The following RAD51B variants were observed in gnomAD, a reference collection of about 807,000 sequenced individuals.
RAD51B encodes the protein DNA repair protein RAD51 homolog 2.
A neutral mutation model predicts 42.2 loss-of-function variants in RAD51B; 38 were observed. The observed-to-expected ratio is 0.90, with a 90% CI of 0.70 to 1.18. RAD51B has a LOEUF of 1.18. Ranked by LOEUF, RAD51B falls within the 50% of genes most tolerant of loss-of-function variation. The pLI, the probability that RAD51B is intolerant of heterozygous loss-of-function variation, is 0.00. For missense variants in RAD51B, 373 were observed against 400.7 expected, an observed-to-expected ratio of 0.93 and a Z score of 0.59; for synonymous variants, 154 against 145.2, an observed-to-expected ratio of 1.06 and a Z score of -0.43.
chr14:68,457,990 G>T (rs1367301514), intron 9 of RAD51B, among the ~76,000 whole-genome samples: 3 of 148,186 alleles, frequency 2.0e-5, no homozygotes, highest in Non-Finnish European at 4.5e-5. Flanking sequence ...TTTTTAAATT[G>T]TGTTAATAAA....
Position 67,983,770 on chromosome 14 carries a change from C to G in RAD51B, c.756+96566C>G, listed in dbSNP as rs569794951. ...TTATATTTTGGGAGAAAGTTGTGAC[C>G]ATGTGGCAGTTTGGATTTGAAATAA... On this transcript the variant is annotated intron_variant, in intron 7 of 10. Coordinates refer to ENST00000471583, the MANE Select transcript of RAD51B (RefSeq NM_133510.4). 2.6e-5 allele frequency among the ~76,000 whole-genome samples: 4 copies of G among 151,816 alleles called. No individual in the cohort carries two copies. The East Asian group carries it at 7.7e-4, about 29-fold the overall frequency.
chr14:68,099,881 C>T (rs1038654276), intron 7 of RAD51B, among the ~76,000 whole-genome samples: 7 of 152,118 alleles, frequency 4.6e-5, no homozygotes, highest in Admixed American at 3.3e-4. Flanking sequence ...TTAGAACTGC[C>T]GAACAACTGA....
intron 7 of RAD51B, among the ~76,000 whole-genome samples, chr14:68,020,984 T>C (rs1328557806): frequency 6.6e-6 from 1 of 152,168 alleles, no homozygotes; most frequent in African/African-American, 2.4e-5. Context: ...GTTAGTTCTT[T>C]CCTTGTTAAG....
chr14:67,904,700 TTG>T (rs2043725601), intron 7 of RAD51B, among the ~76,000 whole-genome samples: 1 of 151,774 alleles, frequency 6.6e-6, no homozygotes, highest in African/African-American at 2.4e-5. Flanking sequence ...TGCCTTTTGA[TTG>T]TGTGTTTGTC....
chr14:68,392,926 CAT>C (rs1343770750), intron 8 of RAD51B, among the ~76,000 whole-genome samples: 2 of 152,142 alleles, frequency 1.3e-5, no homozygotes, highest in East Asian at 1.9e-4. Flanking sequence ...TGACATAGGA[CAT>C]GTGTGTGTTT....
chr14:68,008,089 T>C (rs1418152713), intron 7 of RAD51B, among the ~76,000 whole-genome samples: 1 of 151,962 alleles, frequency 6.6e-6, no homozygotes, highest in East Asian at 1.9e-4. Flanking sequence ...TATAAAATTA[T>C]ATAGAATATG....
chr14:68,478,751 C>G (rs577584638), downstream of RAD51B, among the ~76,000 whole-genome samples: 15 of 152,342 alleles, frequency 9.8e-5, no homozygotes, highest in African/African-American at 3.6e-4. Flanking sequence ...CATCCTATTT[C>G]ATGTCTCCTA....
intron 8 of RAD51B, among the ~76,000 whole-genome samples, chr14:68,398,000 C>G (rs1045709907): frequency 1.3e-5 from 2 of 152,214 alleles, no homozygotes; most frequent in East Asian, 1.9e-4. Context: ...TATCAGGATC[C>G]TCTGCTTCCC....
At chr14:68,600,465 T>C (rs756389708), downstream of RAD51B, among the ~76,000 whole-genome samples, 2 of 152,156 alleles carry the variant, frequency 1.3e-5, no homozygotes, top group African/African-American at 2.4e-5. Flanking sequence ...CCAGCCCTCA[T>C]TATCCAACAG....
chr14:68,462,237 G>A (rs1039827366), intron 9 of RAD51B, among the ~76,000 whole-genome samples: 1 of 152,208 alleles, frequency 6.6e-6, no homozygotes, highest in African/African-American at 2.4e-5. Context: ...GAATGCCCTA[G>A]AGTGAGGAGC....
chr14:68,617,207 T>C (rs974583651), intron 10 of RAD51B, among the ~76,000 whole-genome samples: 2 of 152,232 alleles, frequency 1.3e-5, no homozygotes, highest in Admixed American at 6.5e-5. Flanking sequence ...TTAAGGAGTA[T>C]TGAGTTTTTA....
At chr14:68,135,667 C>T (rs977009652) in intron 7 of RAD51B, among the ~76,000 whole-genome samples, 5 of 152,144 alleles carry the variant, frequency 3.3e-5, no homozygotes, top group African/African-American at 4.8e-5. Context: ...TCATCCAAAA[C>T]GCAACATGTC....
intron 7 of RAD51B, among the ~76,000 whole-genome samples, chr14:68,142,899 C>G (rs1051350904): frequency 6.6e-6 from 1 of 151,496 alleles, no homozygotes; most frequent in East Asian, 1.9e-4. Flanking sequence ...TTTATCAAGT[C>G]TCCACTAAAA....
chr14:68,209,512 G>A (rs749401868), intron 7 of RAD51B, among the ~76,000 whole-genome samples: 24 of 152,120 alleles, frequency 1.6e-4, no homozygotes, highest in Non-Finnish European at 3.1e-4. Context: ...TTTTCCATGA[G>A]CATTTTAAAA....
At chr14:68,038,416 A>C (rs983061028) in intron 7 of RAD51B, among the ~76,000 whole-genome samples, 17 of 150,394 alleles carry the variant, frequency 1.1e-4, no homozygotes, top group Admixed American at 8.6e-4. Context: ...TTTTTTTCTT[A>C]CTCAAATGAA....
chr14:68,356,780 G>A (rs1303125962), intron 8 of RAD51B, among the ~76,000 whole-genome samples: 1 of 151,918 alleles, frequency 6.6e-6, no homozygotes. Flanking sequence ...AGGAGATCGA[G>A]ACCATCCCGG....
In RAD51B at chr14:68,643,931, A is replaced by G. The variant is rs1218030948; in HGVS notation, c.1037-6850A>G. ...AAGGCACTGGAACTAGTAAGCTATCATCTCTCAGATTCCGCTTTGGGCTTC... is the reference window on the plus strand; with the variant it reads ...AAGGCACTGGAACTAGTAAGCTATCGTCTCTCAGATTCCGCTTTGGGCTTC... On this transcript the variant is annotated intron_variant, in intron 10 of 11. Transcript: ENST00000488612. Among the ~76,000 whole-genome samples the G allele has an allele frequency of 5.3e-5, 8 of 152,168 alleles. No individual in the cohort carries two copies. In the South Asian group the frequency reaches 1.7e-3, roughly 32 times the overall value.
intron 10 of RAD51B, among the ~76,000 whole-genome samples, chr14:68,536,853 G>T (rs1177176926): frequency 6.6e-6 from 1 of 151,638 alleles, no homozygotes; most frequent in Non-Finnish European, 1.5e-5. Flanking sequence ...AGGCCGAGGC[G>T]GGCGGATCCC....
rs772384363 is a variant in RAD51B, at chr14:68,574,387, C to T, written c.1037-20098C>T. On this transcript the variant is annotated intron_variant, in intron 10 of 10. Transcript: ENST00000487270. ...ACAGGTGTGAGCCACTGCACCCGGC[C>T]ACAGCTACTTCCTTCACTATCAGCA... is the stretch of plus-strand genomic sequence containing the variant. Among the ~76,000 whole-genome samples, 3 of 152,344 alleles carry T rather than the reference C, an allele frequency of 2.0e-5. No homozygotes were observed. In the South Asian group the frequency reaches 6.2e-4, roughly 32 times the overall value.
Sources: allele counts gnomAD v4.1 joint callset (sites outside exome capture counted in the v4.1 genomes callset), GRCh38; gene constraint gnomAD v4.1.1; transcripts MANE v1.5; gene names NCBI Gene and HGNC (gene_info 2026-07-23, HGNC 2026-07-21).